Variants in KCNH8 observed in about 807,000 individuals in gnomAD.
KCNH8 encodes potassium voltage-gated channel subfamily H member 8, also known as voltage-gated delayed rectifier potassium channel KCNH8.
In KCNH8, 70 loss-of-function variants were observed where a neutral mutation model predicts 103.6. The ratio of observed to expected loss-of-function variants is 0.68; its 90% CI spans 0.56 to 0.82. The LOEUF (loss-of-function observed/expected upper bound fraction) is 0.82. KCNH8 is among the 40% of genes least tolerant of loss of function. The pLI, the probability that KCNH8 is intolerant of heterozygous loss-of-function variation, is 0.00. For missense variants in KCNH8, 1,217 were observed against 1,329.9 expected (o/e 0.92, Z 1.32); for synonymous variants, 498 against 489.4 (o/e 1.02, Z -0.23).
intron 3 of KCNH8, among the ~76,000 whole-genome samples, chr3:19,284,327 A>T (rs1406884444): frequency 6.6e-6 from 1 of 152,114 alleles, no homozygotes; most frequent in African/African-American, 2.4e-5. Flanking sequence ...AAATACTTTA[A>T]TCATTTTTCT....
Position 19,417,486 on chromosome 3 carries a change from ATTATAC to A in KCNH8, c.1178-20672_1178-20667del, listed in dbSNP as rs533553105. 5.6e-3 allele frequency among the ~76,000 whole-genome samples: 849 copies of A among 152,066 alleles called. 7 individuals carry two copies. Among genetic ancestry groups the A allele is most frequent in the African/African-American group, 0.019 (783 of 41,538 alleles). On this transcript the variant is annotated intron_variant, in intron 7 of 15. Coordinates refer to ENST00000328405, the MANE Select transcript of KCNH8 (RefSeq NM_144633.3). ...GAATAAGTAAGATTATTACAAGATT[ATTATAC>A]TTATAAGTAATCTTATAAGTAAGAT...
chr3:19,319,431 C>G (rs905019883), intron 3 of KCNH8, among the ~76,000 whole-genome samples: 3 of 152,004 alleles, frequency 2.0e-5, no homozygotes, highest in African/African-American at 7.2e-5. Context: ...TGTCCTTTCC[C>G]CACTTTATGT....
intron 1 of KCNH8, among the ~76,000 whole-genome samples, chr3:19,178,974 A>G (rs1038767796): frequency 7.9e-5 from 12 of 152,152 alleles, no homozygotes; most frequent in African/African-American, 2.7e-4. Context: ...TATTCATAGT[A>G]TTATGTTACC....
chr3:19,303,884 G>A (rs1685723861), intron 3 of KCNH8, among the ~76,000 whole-genome samples: 1 of 152,140 alleles, frequency 6.6e-6, no homozygotes, highest in African/African-American at 2.4e-5. Flanking sequence ...GTGCTCCCAA[G>A]AGCTGGGGAA....
chr3:19,315,987 T>C (rs567494067), intron 3 of KCNH8, among the ~76,000 whole-genome samples: 33 of 152,124 alleles, frequency 2.2e-4, no homozygotes, highest in African/African-American at 6.5e-4. Flanking sequence ...TGTCCTTAAA[T>C]TGAATTATGT....
chr3:19,162,748 A>G (rs565435155), intron 1 of KCNH8, among the ~76,000 whole-genome samples: 42 of 152,248 alleles, frequency 2.8e-4, no homozygotes, highest in African/African-American at 9.6e-4. Flanking sequence ...AATCATATGG[A>G]CACCTATTAT....
At chr3:19,481,151 CA>C (rs2068078813) in intron 11 of KCNH8, among the ~76,000 whole-genome samples, 1 of 152,082 alleles carries the variant, frequency 6.6e-6, no homozygotes, top group South Asian at 2.1e-4. Context: ...TTATCTCTCT[CA>C]AGACTTCATT....
intron 1 of KCNH8, among the ~76,000 whole-genome samples, chr3:19,170,665 C>CAT (rs775210363): frequency 2.6e-5 from 3 of 116,898 alleles, no homozygotes; most frequent in African/African-American, 3.4e-5. Context: ...TATATACACA[C>CAT]ATATATATAC....
chr3:19,459,493 G>A (rs1400586017), intron 11 of KCNH8, among the ~76,000 whole-genome samples: 1 of 151,782 alleles, frequency 6.6e-6, no homozygotes, highest in Non-Finnish European at 1.5e-5. Context: ...TATGTATTTT[G>A]CATATTAACT....
intron 2 of KCNH8, among the ~76,000 whole-genome samples, chr3:19,260,549 G>T (rs2064420584): frequency 7.6e-6 from 1 of 131,058 alleles, no homozygotes; most frequent in African/African-American, 2.8e-5. Flanking sequence ...AATGGTTACT[G>T]GGTGGAACAA....
intron 3 of KCNH8, among the ~76,000 whole-genome samples, chr3:19,331,274 T>C (rs2065503521): frequency 7.1e-6 from 1 of 141,176 alleles, no homozygotes; most frequent in African/African-American, 2.5e-5. Flanking sequence ...TATTTATTTA[T>C]TTATTTATTT....
At position 19,494,954 on chromosome 3, in the gene KCNH8, G is replaced by T. The variant is rs550435176; in HGVS notation, c.2041-15409G>T. On this transcript the variant is annotated intron_variant, in intron 11 of 15. Coordinates refer to ENST00000328405, the MANE Select transcript of KCNH8 (RefSeq NM_144633.3). ...TTGCATTTCTCTAATGGTTAGTGAT[G>T]ATGAGCATTTTTTCATATGTTTTCT... Among the ~76,000 whole-genome samples the T allele has an allele frequency of 2.0e-5, 3 of 152,240 alleles. No homozygotes were observed. The South Asian group carries it at 6.2e-4, about 32-fold the overall frequency.
intron 7 of KCNH8, among the ~76,000 whole-genome samples, chr3:19,412,024 ATAGAAT>A (rs951990647): frequency 6.6e-6 from 1 of 152,154 alleles, no homozygotes; most frequent in African/African-American, 2.4e-5. Context: ...TTTAAAAAAA[ATAGAAT>A]TAGAAAAAAA....
At chr3:19,456,616 T>C (rs1559336033) in intron 10 of KCNH8, 152 bp from the exon 11 acceptor site, 2 of 595,708 alleles carry the variant, frequency 3.4e-6, no homozygotes, top group East Asian at 2.8e-5. Flanking sequence ...ATGATGCTAT[T>C]GTATGCCAAA....
In KCNH8 at chr3:19,440,815, A is replaced by G. The variant is rs79678189; in HGVS notation, c.1375+2454A>G. 2.6e-3 allele frequency among the ~76,000 whole-genome samples: 394 copies of G among 152,350 alleles called. 5 individuals carry two copies. Among genetic ancestry groups the G allele is most frequent in the Admixed American group, 0.019 (291 of 15,298 alleles). ...CATTCTCTGTTCTAAGTGTTCTGAC[A>G]TAATACCATAATTTTTAAAGCAAAT... On this transcript the variant is annotated intron_variant, in intron 8 of 15. Coordinates refer to ENST00000328405, the MANE Select transcript of KCNH8 (RefSeq NM_144633.3).
chr3:19,291,994 AG>A (rs1259506361), intron 3 of KCNH8, among the ~76,000 whole-genome samples: 1 of 152,240 alleles, frequency 6.6e-6, no homozygotes, highest in Non-Finnish European at 1.5e-5. Context: ...GTCTTTTAAA[AG>A]TTCCTTTCCT....
intron 8 of KCNH8, among the ~76,000 whole-genome samples, chr3:19,443,784 T>C (rs62276976): frequency 0.037 from 5,587 of 151,866 alleles, 236 homozygotes; most frequent in East Asian, 0.21. Flanking sequence ...AAATTAGAAA[T>C]AAAATATAAA....
At chr3:19,478,999 C>T (rs1001918408) in intron 11 of KCNH8, among the ~76,000 whole-genome samples, 1 of 152,120 alleles carries the variant, frequency 6.6e-6, no homozygotes, top group Non-Finnish European at 1.5e-5. Context: ...AAATTTAGAA[C>T]ATTATTGTTA....
At chr3:19,484,531 TCA>T (rs1187306055) in intron 11 of KCNH8, among the ~76,000 whole-genome samples, 4 of 152,192 alleles carry the variant, frequency 2.6e-5, no homozygotes, top group African/African-American at 9.6e-5. Context: ...GTCGTCCTCC[TCA>T]GAGTCACTTT....
Sources: allele counts gnomAD v4.1 joint callset (sites outside exome capture counted in the v4.1 genomes callset), GRCh38; gene constraint gnomAD v4.1.1; transcripts MANE v1.5; gene names NCBI Gene and HGNC (gene_info 2026-07-23, HGNC 2026-07-21).